The following SRPRA variants were observed in gnomAD, a reference collection of about 807,000 sequenced individuals.
SRPRA encodes the protein SRP receptor subunit alpha.
A neutral mutation model predicts 61.1 loss-of-function variants in SRPRA; 30 were observed. The ratio of observed to expected loss-of-function variants is 0.49; its 90% confidence interval spans 0.37 to 0.67. The LOEUF is 0.67. SRPRA is among the 30% of genes least tolerant of loss of function. SRPRA has a pLI of 0.00. For synonymous variants in SRPRA, 324 were observed against 299.7 expected (o/e 1.08, Z -0.84); for missense variants, 759 against 828.4 (o/e 0.92, Z 1.03).
rs957212871 is a variant in SRPRA at position 126,265,512 on chromosome 11, C to T, written c.1139-72G>A. 9.2e-6 allele frequency: 14 copies of T among 1,527,142 alleles called. No homozygotes were observed. The African/African-American group carries it at 1.8e-4, about 19-fold the overall frequency. The allele number at this position is 1,527,142 out of a possible 1,614,324, so 94.6% of individuals were successfully genotyped here. A position where few individuals can be genotyped will look rare whatever the true frequency, so the allele number is the denominator to read the frequency against. ...GCTCTCAAAAATGCCTAACACCTTT[C>T]TGAGCTAAGGGGACTAAAACAGTAA... On this transcript the variant is annotated intron_variant, in intron 9 of 13. Transcript: ENST00000332118. The surrounding 1 kb of genome is among the most constrained non-coding windows in gnomAD (Gnocchi z 6.3).
downstream of SRPRA, chr11:126,262,847 A>ACC (rs1565344117): frequency 6.6e-6 from 1 of 152,618 alleles, no homozygotes; most frequent in African/African-American, 2.4e-5. Flanking sequence ...TGTTGTCCTG[A>ACC]CCATACATAT....
In SRPRA at chr11:126,267,493, A is replaced by T; in HGVS notation, c.365+56T>A. On this transcript the variant is annotated intron_variant, in intron 3 of 13. Coordinates refer to ENST00000332118, the MANE Select transcript of SRPRA (RefSeq NM_003139.4). This position sits in a 1 kb window ranked among gnomAD's most constrained non-coding sequence, Gnocchi z 4.2. ...AATTTACCACCTTTGAACCACCTTC[A>T]GAGAGGTCATCAAATCATGGAAATA... The T allele has an allele frequency of 1.9e-6, 3 of 1,608,840 alleles. No homozygotes were observed. Among genetic ancestry groups the T allele is most frequent in the Non-Finnish European group, 2.5e-6 (3 of 1,176,770 alleles).
rs1950735076 is a variant in SRPRA, at chr11:126,263,037, C to T, written c.*879G>A. The T allele has an allele frequency of 6.6e-6, 1 of 152,654 alleles. No homozygotes were observed. 9.5% of individuals were successfully genotyped at this position (152,654 alleles called of 1,614,324 possible). A position where few individuals can be genotyped will look rare whatever the true frequency, so the allele number is the denominator to read the frequency against. ...ATAGCACATCTGTAATATCAAGCTA[C>T]AGGACAAGTCTTAACAAGAGGTTTG... On this transcript the variant is annotated 3_prime_UTR_variant, in exon 14 of 14. Transcript: ENST00000332118.
downstream of SRPRA, chr11:126,261,414 CCT>C: frequency 1.9e-6 from 3 of 1,612,782 alleles, no homozygotes; most frequent in Non-Finnish European, 2.5e-6. Flanking sequence ...ATGCTGATGT[CCT>C]CTATTTAGCA....
At chr11:126,247,872 T>A in the SRPRA span, among the ~76,000 whole-genome samples, 30 of 143,866 alleles carry the variant, frequency 2.1e-4, 1 homozygote, top group South Asian at 4.3e-4. Flanking sequence ...AAAAAATATA[T>A]ATATATATCT....
Position 126,265,877 on chromosome 11 carries a change from A to C in SRPRA, c.1052-54T>G. 1.2e-6 allele frequency: 2 copies of C among 1,612,268 alleles called. No homozygotes were observed. Among genetic ancestry groups the C allele is most frequent in the Non-Finnish European group, 1.7e-6 (2 of 1,178,302 alleles). On this transcript the variant is annotated intron_variant, in intron 8 of 13. Coordinates refer to ENST00000332118, the MANE Select transcript of SRPRA (RefSeq NM_003139.4). This position sits in a 1 kb window ranked among gnomAD's most constrained non-coding sequence, Gnocchi z 6.3. ...TCCATGTCAGCAATGACCAATCTTT[A>C]TGGTACAGGTGAGAAACGCTAGGTG...
chr11:126,249,731 CAA>C, the SRPRA span, among the ~76,000 whole-genome samples: 10 of 78,998 alleles, frequency 1.3e-4, no homozygotes, highest in Non-Finnish European at 1.8e-4. Context: ...GACTCCGTCT[CAA>C]AAAAAAAAAA....
the SRPRA span, among the ~76,000 whole-genome samples, chr11:126,244,163 T>G: frequency 1.3e-5 from 2 of 152,208 alleles, no homozygotes; most frequent in African/African-American, 4.8e-5. The surrounding 1 kb of genome is among the most constrained non-coding windows in gnomAD (Gnocchi z 4.5). Flanking sequence ...GACTGGATTT[T>G]TTCCACTAAG....
rs943128389 is a variant in SRPRA at position 126,263,990 on chromosome 11, C to T, written c.1843G>A (p.Gly615Ser). ...YITSKPIVFV[G>S]TGQTYCDLRS... ...AGGTCACAGTAGGTCTGGCCGGTGC[C>T]CACAAAGACGATGGGTTTGCTTGTG... The change falls in exon 14 of 14, where the codon GGC becomes AGC. Residue 615 changes from glycine to serine, a missense_variant. Gly to Ser is a moderately conservative substitution (Grantham distance 56, BLOSUM62 0). Coordinates refer to ENST00000332118, the MANE Select transcript of SRPRA (RefSeq NM_003139.4). The T allele has an allele frequency of 1.9e-5, 30 of 1,614,050 alleles. No individual in the cohort carries two copies. The highest frequency in any genetic ancestry group is 2.2e-5 in the East Asian group (1 of 44,896).
At chr11:126,240,934 A>G in the SRPRA span, 8 of 1,614,186 alleles carry the variant, frequency 5.0e-6, no homozygotes, top group Non-Finnish European at 6.8e-6. Flanking sequence ...GGATGCTGCC[A>G]TTGATTTTGA....
the SRPRA span, among the ~76,000 whole-genome samples, chr11:126,251,921 A>T: frequency 6.6e-6 from 1 of 151,956 alleles, no homozygotes; most frequent in African/African-American, 2.4e-5. Flanking sequence ...ACCTCAGGTG[A>T]TCTGCTAACC....
rs376621644 is a variant in SRPRA, at chr11:126,263,950, G to A, written c.1883C>T (p.Ala628Val). 1 of 1,614,210 alleles carries A rather than the reference G, an allele frequency of 6.2e-7. No homozygotes were observed. The highest frequency in any genetic ancestry group is 2.2e-5 in the East Asian group (1 of 44,892). ...CATGAGGGCAGCCACCACAGCCTTG[G>A]CATTGAGGCTGCGTAGGTCACAGTA... ...QTYCDLRSLN[A>V]KAVVAALMKA Residue 628 changes from alanine (A) to valine (V), a missense_variant, in exon 14 of 14, where the codon GCC (alanine) becomes GTC (valine). Physicochemically the swap from Ala to Val is moderately conservative, Grantham distance 64. This residue lies in a region of SRPRA where 284 missense variants were observed against 365.9 expected (regional missense o/e 0.78). Transcript: ENST00000332118.
the SRPRA span, among the ~76,000 whole-genome samples, chr11:126,237,061 CGCCCGCCACCAT>C: frequency 2.7e-5 from 4 of 149,448 alleles, no homozygotes; most frequent in African/African-American, 4.9e-5. Flanking sequence ...GGACTACAGG[CGCCCGCCACCAT>C]GCCCGGCTAA....
chr11:126,261,459 A>G (rs374438567), downstream of SRPRA: 1 of 1,613,870 alleles, frequency 6.2e-7, no homozygotes, highest in Non-Finnish European at 8.5e-7. Flanking sequence ...TAAATGGCTC[A>G]TCTGCAGCAC....
downstream of SRPRA, among the ~76,000 whole-genome samples, chr11:126,259,148 G>GA (rs1565341864): frequency 1.3e-5 from 2 of 152,200 alleles, no homozygotes; most frequent in African/African-American, 4.8e-5. Flanking sequence ...ATTTTGAAAC[G>GA]AGTCAACCTT....
chr11:126,259,710 C>A (rs1950645970), downstream of SRPRA, among the ~76,000 whole-genome samples: 1 of 151,230 alleles, frequency 6.6e-6, no homozygotes, highest in Non-Finnish European at 1.5e-5. Context: ...CAGGCGTGAG[C>A]CACCATGCCC....
chr11:126,265,686 C>T lies in SRPRA; in HGVS notation c.1138+51G>A. The T allele has an allele frequency of 6.3e-7, 1 of 1,586,314 alleles. No homozygotes were observed. The highest frequency in any genetic ancestry group is 1.7e-5 in the Admixed American group (1 of 59,682). ...TCACATACCTAGTAAGAACTGAGGT[C>T]TATGCACTTAACCTACACATAAGCA... is the stretch of plus-strand genomic sequence containing the variant. On this transcript the variant is annotated intron_variant, in intron 9 of 13. Transcript: ENST00000332118. This position sits in a 1 kb window ranked among gnomAD's most constrained non-coding sequence, Gnocchi z 6.3.
the SRPRA span, among the ~76,000 whole-genome samples, chr11:126,243,617 T>C: frequency 6.6e-6 from 1 of 151,952 alleles, no homozygotes; most frequent in Non-Finnish European, 1.5e-5. Context: ...AACATCTGCA[T>C]ATCAGGCCAG....
the SRPRA span, chr11:126,256,594 A>G: frequency 6.2e-7 from 1 of 1,613,914 alleles, no homozygotes; most frequent in South Asian, 1.1e-5. This position sits in a 1 kb window ranked among gnomAD's most constrained non-coding sequence, Gnocchi z 6.6. Flanking sequence ...CTACGAAAAC[A>G]AGTCATTTCT....
Sources: allele counts gnomAD v4.1 joint callset (sites outside exome capture counted in the v4.1 genomes callset), GRCh38; gene constraint gnomAD v4.1.1; regional missense constraint gnomAD v4.1.1; non-coding constraint Gnocchi (gnomAD v3.1); transcripts MANE v1.5; gene names NCBI Gene and HGNC (gene_info 2026-07-23, HGNC 2026-07-21).